PKIG: variants seen among roughly 807,000 people sequenced by gnomAD.
PKIG encodes the protein protein kinase (cAMP-dependent, catalytic) inhibitor gamma.
Under a neutral mutation model 6.8 loss-of-function variants are expected in PKIG, and 1 was observed. The observed-to-expected ratio is 0.15, with a 90% confidence interval of 0.05 to 0.69. PKIG has a LOEUF of 0.69. Ranked by LOEUF, PKIG falls within the 30% of genes least tolerant of loss-of-function variation. The pLI, the probability that PKIG is intolerant of heterozygous loss-of-function variation, is 0.82. For missense variants in PKIG, 77 were observed against 104.0 expected, an observed-to-expected ratio of 0.74 and a Z score of 1.13; for synonymous variants, 39 against 43.0, an observed-to-expected ratio of 0.91 and a Z score of 0.36.
chr20:44,562,177 G>A (rs2064772518), intron 1 of PKIG, among the ~76,000 whole-genome samples: 3 of 151,704 alleles, frequency 2.0e-5, no homozygotes, highest in Admixed American at 2.0e-4. Flanking sequence ...AAGTTATGAA[G>A]TATAAAGCAA....
intron 1 of PKIG, among the ~76,000 whole-genome samples, chr20:44,541,660 A>G (rs774666480): frequency 6.6e-6 from 1 of 151,566 alleles, no homozygotes; most frequent in Non-Finnish European, 1.5e-5. Context: ...GTAAAATTTG[A>G]AGCATTAGAT....
At chr20:44,536,090 A>G (rs1031125869) in intron 1 of PKIG, among the ~76,000 whole-genome samples, 8 of 152,284 alleles carry the variant, frequency 5.3e-5, no homozygotes, top group Non-Finnish European at 7.4e-5. Flanking sequence ...GGCTTATTTC[A>G]CTAGCATAGT....
At chr20:44,574,799 ACCTCAGGTGATCTACCTGCCTTGG>A (rs545303988) in intron 1 of PKIG, among the ~76,000 whole-genome samples, 255 of 151,998 alleles carry the variant, frequency 1.7e-3, no homozygotes, top group African/African-American at 5.6e-3. Flanking sequence ...CGAACTCCTG[ACCTCAGGTGATCTACCTGCCTTGG>A]CCTCCCAAAG....
At chr20:44,582,475 G>A (rs181707952), upstream of PKIG, 2 of 152,510 alleles carry the variant, frequency 1.3e-5, no homozygotes, top group East Asian at 3.8e-4. Flanking sequence ...GAGTGAGTGA[G>A]TTGTGTGGTT....
At chr20:44,545,650 C>G (rs1165956200) in intron 1 of PKIG, among the ~76,000 whole-genome samples, 1 of 151,772 alleles carries the variant, frequency 6.6e-6, no homozygotes. Flanking sequence ...GAGACCCCGT[C>G]TCTACAAAAA....
At chr20:44,560,458 T>A (rs2064756904) in intron 1 of PKIG, among the ~76,000 whole-genome samples, 1 of 152,148 alleles carries the variant, frequency 6.6e-6, no homozygotes, top group African/African-American at 2.4e-5. Context: ...TTCTGAGGTA[T>A]AGAGTTTCAG....
intron 2 of PKIG, among the ~76,000 whole-genome samples, chr20:44,609,665 G>T (rs1319026959): frequency 6.6e-6 from 1 of 152,230 alleles, no homozygotes; most frequent in East Asian, 1.9e-4. Context: ...TTAGGTTTCA[G>T]CTGGACATGG....
intron 1 of PKIG, among the ~76,000 whole-genome samples, chr20:44,589,380 A>G (rs529504631): frequency 2.2e-4 from 34 of 152,332 alleles, no homozygotes; most frequent in African/African-American, 8.2e-4. Flanking sequence ...TAATTAAAAA[A>G]TGATAATATA....
At chr20:44,588,505 G>A (rs1000850549) in intron 1 of PKIG, among the ~76,000 whole-genome samples, 2 of 152,162 alleles carry the variant, frequency 1.3e-5, no homozygotes, top group African/African-American at 4.8e-5. Context: ...TTAGCCGGGC[G>A]CGGTGGCACG....
At chr20:44,562,235 A>C (rs1457558813) in intron 1 of PKIG, among the ~76,000 whole-genome samples, 4 of 152,230 alleles carry the variant, frequency 2.6e-5, no homozygotes, top group African/African-American at 9.6e-5. Context: ...TTCTTAGAAA[A>C]GATTAATAAA....
intron 1 of PKIG, among the ~76,000 whole-genome samples, chr20:44,538,647 A>C (rs1187843394): frequency 6.6e-6 from 1 of 152,118 alleles, no homozygotes. Flanking sequence ...CATCTAAGAG[A>C]GAAGGATTTT....
chr20:44,540,039 C>A (rs1238182016), intron 1 of PKIG, among the ~76,000 whole-genome samples: 1 of 152,020 alleles, frequency 6.6e-6, no homozygotes, highest in African/African-American at 2.4e-5. Flanking sequence ...TGGCTCACTG[C>A]AACGTCCACC....
intron 2 of PKIG, among the ~76,000 whole-genome samples, chr20:44,610,507 C>CACACACACACACACAA (rs2065208409): frequency 6.6e-6 from 1 of 150,828 alleles, no homozygotes; most frequent in South Asian, 2.1e-4. Context: ...CTCTCACACA[C>CACACACACACACACAA]ACACACACAC....
intron 2 of PKIG, among the ~76,000 whole-genome samples, chr20:44,608,967 G>A (rs2065190759): frequency 6.6e-6 from 1 of 152,166 alleles, no homozygotes. Context: ...GCCCAAGGAG[G>A]TCTTGGAAGT....
intron 2 of PKIG, among the ~76,000 whole-genome samples, chr20:44,607,738 G>A (rs569751144): frequency 1.3e-5 from 2 of 148,908 alleles, no homozygotes; most frequent in African/African-American, 5.0e-5. Flanking sequence ...AGGCTGGAGT[G>A]CAGTGGCACG....
chr20:44,551,229 T>C (rs888126478), intron 1 of PKIG, among the ~76,000 whole-genome samples: 1 of 152,162 alleles, frequency 6.6e-6, no homozygotes. Flanking sequence ...AATTTTTTTG[T>C]ATTTTTAGTA....
intron 1 of PKIG, among the ~76,000 whole-genome samples, chr20:44,543,066 G>C (rs1012371044): frequency 6.6e-6 from 1 of 152,184 alleles, no homozygotes; most frequent in African/African-American, 2.4e-5. Context: ...TGAGGCCCTA[G>C]AGTCCTTTGG....
At chr20:44,571,485 A>T (rs1346767629) in intron 1 of PKIG, among the ~76,000 whole-genome samples, 2 of 152,152 alleles carry the variant, frequency 1.3e-5, no homozygotes, top group Non-Finnish European at 2.9e-5. Context: ...ATTGTCTACC[A>T]TCATCCATTA....
intron 1 of PKIG, among the ~76,000 whole-genome samples, chr20:44,565,056 A>G (rs537955860): frequency 6.6e-6 from 1 of 152,362 alleles, no homozygotes; most frequent in South Asian, 2.1e-4. Context: ...TTCTTGGATG[A>G]ATGATACCAA....
Sources: gnomAD v4.1 joint callset for allele counts (sites outside exome capture counted in the v4.1 genomes callset) on GRCh38, gnomAD v4.1.1 for gene constraint, MANE v1.5 for transcripts, NCBI Gene and HGNC (gene_info 2026-07-23, HGNC 2026-07-21) for gene names.